Variants in RAP1A observed in about 807,000 individuals in gnomAD.
RAP1A encodes RAP1A, member of RAS oncogene family.
RAP1A carries 6 observed loss-of-function variants against 26.4 expected under a neutral mutation model. That is an observed-to-expected ratio of 0.23 (90% CI 0.12 to 0.45). RAP1A has a LOEUF of 0.45. RAP1A is among the 20% of genes least tolerant of loss of function. The pLI is 0.99. For missense variants in RAP1A, 121 were observed against 217.2 expected, an observed-to-expected ratio of 0.56 and a Z score of 2.78; for synonymous variants, 73 against 79.4, an observed-to-expected ratio of 0.92 and a Z score of 0.43.
chr1:111,548,545 A>G (rs1657123580), intron 1 of RAP1A, among the ~76,000 whole-genome samples: 1 of 152,208 alleles, frequency 6.6e-6, no homozygotes, highest in African/African-American at 2.4e-5. Context: ...GCACAACTTT[A>G]ATTTTTCGGT....
chr1:111,708,157 G>C (rs1662256115), intron 6 of RAP1A, among the ~76,000 whole-genome samples: 1 of 152,214 alleles, frequency 6.6e-6, no homozygotes, highest in South Asian at 2.1e-4. Context: ...CTGCGTGACA[G>C]AGCAAGACTC....
At chr1:111,555,943 G>C (rs2789531) in intron 1 of RAP1A, among the ~76,000 whole-genome samples, 3,977 of 152,250 alleles carry the variant, frequency 0.026, 126 homozygotes, top group East Asian at 0.088. Context: ...AAACATTTGT[G>C]CATCAAAGGA....
At chr1:111,706,981 A>G (rs1424324228) in intron 6 of RAP1A, among the ~76,000 whole-genome samples, 1 of 152,234 alleles carries the variant, frequency 6.6e-6, no homozygotes, top group Non-Finnish European at 1.5e-5. Flanking sequence ...GGAACTAATG[A>G]AAACTCATTT....
Position 111,544,569 on chromosome 1 carries a change from C to T in RAP1A, c.-28+2060C>T, listed in dbSNP as rs142470042. On this transcript the variant is annotated intron_variant, in intron 1 of 7. Transcript: ENST00000356415. The stretch of plus-strand genomic sequence containing the variant: ...GTCATTTTTGTAGTTGAATAACGTT[C>T]CATTATATACCACATTTTGTTTATC... Among the ~76,000 whole-genome samples the T allele has an allele frequency of 2.9e-3, 448 of 152,238 alleles. 2 individuals are homozygous for T. The highest frequency in any genetic ancestry group is 5.3e-3 in the Non-Finnish European group (358 of 67,994).
chr1:111,700,083 T>A (rs555536862), intron 4 of RAP1A, among the ~76,000 whole-genome samples: 48 of 152,310 alleles, frequency 3.2e-4, no homozygotes, highest in African/African-American at 1.2e-3. Flanking sequence ...CCCCTACCTC[T>A]TAATGTTGGA....
intron 5 of RAP1A, 26 bp downstream of exon 5, chr1:111,703,502 T>C: frequency 6.5e-7 from 1 of 1,527,928 alleles, no homozygotes; most frequent in African/African-American, 1.4e-5. Flanking sequence ...CTCTGTAAGA[T>C]GTTATGCCAT....
intron 1 of RAP1A, chr1:111,650,326 A>G (rs1660225470): frequency 6.6e-6 from 1 of 152,102 alleles, no homozygotes; most frequent in African/African-American, 2.4e-5. Context: ...AAAGACTTCT[A>G]TATGATTTAC....
intron 1 of RAP1A, among the ~76,000 whole-genome samples, chr1:111,597,653 T>C (rs1222698747): frequency 6.6e-6 from 1 of 152,194 alleles, no homozygotes. Context: ...GGTTGAGCAA[T>C]GTGAGTAAAG....
intron 1 of RAP1A, among the ~76,000 whole-genome samples, chr1:111,659,761 A>G (rs1406974181): frequency 4.6e-5 from 7 of 151,836 alleles, no homozygotes; most frequent in African/African-American, 1.7e-4. Flanking sequence ...TTACTGTATT[A>G]TACTTGTTTT....
chr1:111,655,525 A>T (rs185407409), intron 1 of RAP1A, among the ~76,000 whole-genome samples: 8 of 152,224 alleles, frequency 5.3e-5, no homozygotes, highest in Non-Finnish European at 1.2e-4. Context: ...TTGATAATAC[A>T]GTTAACTAAA....
intron 1 of RAP1A, among the ~76,000 whole-genome samples, chr1:111,670,777 G>C (rs1396553388): frequency 6.6e-6 from 1 of 152,172 alleles, no homozygotes; most frequent in African/African-American, 2.4e-5. Flanking sequence ...ATAAAAGAGA[G>C]AAAAGTGCAC....
At chr1:111,571,173 C>T (rs1658040923) in intron 1 of RAP1A, among the ~76,000 whole-genome samples, 1 of 152,150 alleles carries the variant, frequency 6.6e-6, no homozygotes, top group African/African-American at 2.4e-5. Context: ...CTTACATTTA[C>T]TAGCTTATTT....
At chr1:111,555,219 A>G (rs1465504815) in intron 1 of RAP1A, among the ~76,000 whole-genome samples, 4 of 151,874 alleles carry the variant, frequency 2.6e-5, no homozygotes, top group Non-Finnish European at 5.9e-5. Flanking sequence ...CACAAAAACT[A>G]GCTGAGTGTG....
At chr1:111,580,694 A>G (rs1658239069) in intron 1 of RAP1A, among the ~76,000 whole-genome samples, 1 of 152,090 alleles carries the variant, frequency 6.6e-6, no homozygotes, top group Non-Finnish European at 1.5e-5. Flanking sequence ...TGAAAGTACA[A>G]AAATTAGCCA....
intron 1 of RAP1A, among the ~76,000 whole-genome samples, chr1:111,566,505 G>C (rs959894712): frequency 3.9e-5 from 6 of 152,136 alleles, no homozygotes; most frequent in African/African-American, 1.4e-4. Flanking sequence ...GGGTGTGAGG[G>C]CTGACTTCAG....
intron 1 of RAP1A, chr1:111,564,050 T>G: frequency 3.5e-6 from 3 of 849,070 alleles, no homozygotes; most frequent in Non-Finnish European, 5.9e-6. Flanking sequence ...AGGAATTCCC[T>G]GTTTTGGGGG....
At chr1:111,642,709 G>A (rs1051599089) in intron 1 of RAP1A, among the ~76,000 whole-genome samples, 9 of 151,038 alleles carry the variant, frequency 6.0e-5, no homozygotes, top group African/African-American at 1.5e-4. Flanking sequence ...GGATGGTTTC[G>A]ATCTCCTGAC....
chr1:111,697,528 T>A (rs754285772), intron 4 of RAP1A, 31 bp downstream of exon 4: 2 of 1,609,792 alleles, frequency 1.2e-6, no homozygotes, highest in East Asian at 4.5e-5. Context: ...TTTGATAGAT[T>A]TTAATTTGTG....
At chr1:111,608,532 A>T (rs2985631) in intron 1 of RAP1A, 138,058 of 164,000 alleles carry the variant, frequency 0.84, 59,210 homozygotes, top group African/African-American at 0.9. Context: ...CTCGGCACTT[A>T]GGGAGGCCAA....
Sources: gnomAD v4.1 joint callset for allele counts (sites outside exome capture counted in the v4.1 genomes callset) on GRCh38, gnomAD v4.1.1 for gene constraint, MANE v1.5 for transcripts, NCBI Gene and HGNC (gene_info 2026-07-23, HGNC 2026-07-21) for gene names.